Variants in IL13RA1 observed in about 807,000 individuals in gnomAD.
IL13RA1 encodes interleukin 13 receptor subunit alpha 1.
Under a neutral mutation model 33.8 loss-of-function variants are expected in IL13RA1, and 14 were observed. The observed-to-expected ratio is 0.41, with a 90% CI of 0.27 to 0.65. The LOEUF (loss-of-function observed/expected upper bound fraction) is 0.65. Ranked by LOEUF, IL13RA1 falls within the 30% of genes least tolerant of loss-of-function variation. The probability of loss-of-function intolerance (pLI) is 0.28; values close to 1 mark genes in which losing one functional copy is unlikely to be tolerated. For missense variants in IL13RA1, 313 were observed against 327.0 expected (o/e 0.96, Z 0.33); for synonymous variants, 116 against 115.7 (o/e 1.00, Z -0.02).
Position 118,737,643 on chromosome X carries a change from G to A in IL13RA1, c.89-3374G>A, listed in dbSNP as rs113177721. Among the ~76,000 whole-genome samples, 438 of 112,493 alleles carry A rather than the reference G, an allele frequency of 3.9e-3. 1 individual carries two copies. The highest frequency in any genetic ancestry group is 0.013 in the African/African-American group (410 of 31,011). ...AAAGGACACTTCAAAACAGATGGGA[G>A]AATATTAATCCCATTTGAAAGGTTG... is the stretch of plus-strand genomic sequence containing the variant. On this transcript the variant is annotated intron_variant, in intron 1 of 10. Coordinates refer to ENST00000371666, the MANE Select transcript of IL13RA1 (RefSeq NM_001560.3).
At chrX:118,787,620 A>G (rs2017933994) in intron 10 of IL13RA1, among the ~76,000 whole-genome samples, 1 of 111,558 alleles carries the variant, frequency 9.0e-6, no homozygotes, top group Non-Finnish European at 1.9e-5. Context: ...ATCTCTATCT[A>G]TGACTGCATA....
intron 10 of IL13RA1, among the ~76,000 whole-genome samples, chrX:118,789,152 G>GT (rs1488682403): frequency 1.8e-5 from 2 of 112,295 alleles, no homozygotes; most frequent in East Asian, 5.5e-4. Context: ...ATAAGTTATG[G>GT]TGCATTCATG....
chrX:118,765,560 T>C (rs753142394), intron 6 of IL13RA1, among the ~76,000 whole-genome samples: 4 of 112,428 alleles, frequency 3.6e-5, no homozygotes, highest in Non-Finnish European at 7.5e-5. Context: ...CATTCTCCCA[T>C]TGATGGACGT....
At chrX:118,739,587 A>G (rs953108019) in intron 1 of IL13RA1, among the ~76,000 whole-genome samples, 3 of 112,222 alleles carry the variant, frequency 2.7e-5, no homozygotes, top group Non-Finnish European at 5.6e-5. Flanking sequence ...CTATGTTGAA[A>G]TAATTTTTGA....
chrX:118,748,856 G>A (rs1219236462), intron 3 of IL13RA1, among the ~76,000 whole-genome samples: 1 of 111,262 alleles, frequency 9.0e-6, no homozygotes, highest in African/African-American at 3.3e-5. Flanking sequence ...CACTTAAGAG[G>A]CAACTACTAA....
At chrX:118,800,333 G>T in the IL13RA1 span, among the ~76,000 whole-genome samples, 1 of 110,354 alleles carries the variant, frequency 9.1e-6, no homozygotes, top group African/African-American at 3.3e-5. Context: ...CACTCTTTGG[G>T]TCCACGCTGC....
At chrX:118,757,678 CTTTTTTTTTTTTTTTTT>C (rs765835021) in intron 4 of IL13RA1, among the ~76,000 whole-genome samples, 114 of 58,352 alleles carry the variant, frequency 2.0e-3, no homozygotes, top group South Asian at 4.7e-3. Flanking sequence ...AGAATTCTGC[CTTTTTTTTTTTTTTTTT>C]TTTTTTTTTT....
At chrX:118,782,386 T>G (rs2017854043) in intron 10 of IL13RA1, among the ~76,000 whole-genome samples, 1 of 111,640 alleles carries the variant, frequency 9.0e-6, no homozygotes, top group Non-Finnish European at 1.9e-5. Flanking sequence ...ATTTCTACAC[T>G]TATTAGCTGA....
intron 5 of IL13RA1, among the ~76,000 whole-genome samples, chrX:118,759,575 G>C (rs913785348): frequency 9.0e-6 from 1 of 110,550 alleles, no homozygotes; most frequent in Non-Finnish European, 1.9e-5. Context: ...TATCTTAGAT[G>C]ATCTTTTAAG....
At chrX:118,776,547 T>TG in intron 10 of IL13RA1, 36 bp downstream of exon 10, 2 of 474,985 alleles carry the variant, frequency 4.2e-6, no homozygotes, top group Non-Finnish European at 6.7e-6. Context: ...AAATGTTTTT[T>TG]TTTTTTTTTT....
chrX:118,751,384 T>C (rs1296540632), intron 4 of IL13RA1, among the ~76,000 whole-genome samples: 1 of 111,739 alleles, frequency 8.9e-6, no homozygotes, highest in Non-Finnish European at 1.9e-5. Context: ...CTCCTAAAGC[T>C]CAAAATATAG....
chrX:118,754,730 C>T (rs979774570), intron 4 of IL13RA1, among the ~76,000 whole-genome samples: 3 of 110,111 alleles, frequency 2.7e-5, no homozygotes, highest in African/African-American at 9.9e-5. Flanking sequence ...CTTCCCGTCT[C>T]ACAGAATTAG....
At chrX:118,766,784 A>G (rs895522531) in intron 7 of IL13RA1, 60 bp from the exon 8 acceptor site, 11 of 665,585 alleles carry the variant, frequency 1.7e-5, no homozygotes, top group South Asian at 9.2e-5. Context: ...TTATGATTCA[A>G]TAACAGTGAA....
chrX:118,763,180 A>T (rs930342219), intron 6 of IL13RA1, among the ~76,000 whole-genome samples: 7 of 112,256 alleles, frequency 6.2e-5, no homozygotes, highest in African/African-American at 2.3e-4. Flanking sequence ...CTCAGAATTT[A>T]AAAGTTGATA....
At chrX:118,761,946 T>C (rs1312355821) in intron 6 of IL13RA1, among the ~76,000 whole-genome samples, 1 of 112,361 alleles carries the variant, frequency 8.9e-6, no homozygotes, top group African/African-American at 3.2e-5. Flanking sequence ...AAAAGATGTC[T>C]AAGCAGTAGG....
At chrX:118,750,766 A>T (rs749023607) in intron 4 of IL13RA1, among the ~76,000 whole-genome samples, 1 of 110,753 alleles carries the variant, frequency 9.0e-6, no homozygotes, top group Admixed American at 9.7e-5. Context: ...GTCTACTTTT[A>T]AAAAGGAAAA....
At chrX:118,736,206 C>G (rs536251618) in intron 1 of IL13RA1, among the ~76,000 whole-genome samples, 3 of 111,509 alleles carry the variant, frequency 2.7e-5, no homozygotes, top group South Asian at 7.5e-4. Context: ...TCCTTTAGTT[C>G]TGTGAACATC....
intron 2 of IL13RA1, among the ~76,000 whole-genome samples, chrX:118,741,650 G>A (rs1044256589): frequency 4.5e-5 from 5 of 111,727 alleles, no homozygotes; most frequent in Non-Finnish European, 9.4e-5. Context: ...TAATGCCCGC[G>A]GAAAAAGGAG....
At chrX:118,779,272 ATT>A (rs2017816713) in intron 10 of IL13RA1, among the ~76,000 whole-genome samples, 1 of 111,657 alleles carries the variant, frequency 9.0e-6, no homozygotes, top group Non-Finnish European at 1.9e-5. Context: ...TTAGGAACCA[ATT>A]TTGAGGAAAT....
Sources: gnomAD v4.1 joint callset for allele counts (sites outside exome capture counted in the v4.1 genomes callset) on GRCh38, gnomAD v4.1.1 for gene constraint, MANE v1.5 for transcripts, NCBI Gene and HGNC (gene_info 2026-07-23, HGNC 2026-07-21) for gene names.